KPNA3: variants seen among roughly 807,000 people sequenced by gnomAD.
KPNA3 encodes the protein karyopherin subunit alpha 3, also known as importin subunit alpha-4.
A neutral mutation model predicts 73.8 loss-of-function variants in KPNA3; 13 were observed. That is an observed-to-expected ratio of 0.18 (90% CI 0.11 to 0.28). The LOEUF (loss-of-function observed/expected upper bound fraction) is 0.28. KPNA3 is among the 10% of genes least tolerant of loss of function. KPNA3 has a pLI of 1.00. For missense variants in KPNA3, 360 were observed against 618.1 expected (o/e 0.58, Z 4.43); for synonymous variants, 186 against 206.9 (o/e 0.90, Z 0.87).
intron 14 of KPNA3, 105 bp downstream of exon 14, chr13:49,705,990 TATC>T (rs1357326140): frequency 1.8e-6 from 2 of 1,128,444 alleles, no homozygotes; most frequent in African/African-American, 1.6e-5. Context: ...TAATAATAAT[TATC>T]TTTTCCCCAA....
At chr13:49,764,636 C>T (rs570981816) in intron 1 of KPNA3, among the ~76,000 whole-genome samples, 1 of 152,234 alleles carries the variant, frequency 6.6e-6, no homozygotes, top group East Asian at 1.9e-4. Flanking sequence ...TAGCTGTGCA[C>T]TGAATCTAAT....
intron 14 of KPNA3, 62 bp downstream of exon 14, chr13:49,706,036 A>AT: frequency 7.0e-7 from 1 of 1,428,158 alleles, no homozygotes; most frequent in Non-Finnish European, 9.7e-7. Flanking sequence ...ACTACGAAAC[A>AT]TAAGAGAGCA....
chr13:49,791,884 T>G (rs1009458504), intron 1 of KPNA3, among the ~76,000 whole-genome samples: 7 of 151,992 alleles, frequency 4.6e-5, no homozygotes, highest in Non-Finnish European at 8.8e-5. Context: ...TCGATCACCC[T>G]CAAACAAGTC....
rs1002473979 is a variant in KPNA3 at position 49,700,659 on chromosome 13, C to T, written c.*1141G>A. 2.6e-5 allele frequency: 4 copies of T among 152,634 alleles called. No homozygotes were observed. The highest frequency in any genetic ancestry group is 9.6e-5 in the African/African-American group (4 of 41,460). 9.5% of individuals were successfully genotyped at this position (152,634 alleles called of 1,614,324 possible). A position where few individuals can be genotyped will look rare whatever the true frequency, so the allele number is the denominator to read the frequency against. On this transcript the variant is annotated 3_prime_UTR_variant, in exon 17 of 17. Transcript: ENST00000261667. ...TTTCCCAATACTCAAAGAATGAACT[C>T]TTATGACACTTCTAAATAGTTGCTG... is the stretch of plus-strand genomic sequence containing the variant.
At chr13:49,708,690 C>T (rs184150133) in intron 12 of KPNA3, among the ~76,000 whole-genome samples, 1 of 152,240 alleles carries the variant, frequency 6.6e-6, no homozygotes, top group African/African-American at 2.4e-5. Context: ...AATATTTATT[C>T]AGCCATAGAA....
Position 49,751,150 on chromosome 13 carries a change from C to T in KPNA3, c.70-4157G>A, listed in dbSNP as rs890421867. On this transcript the variant is annotated intron_variant, in intron 1 of 16. Transcript: ENST00000261667. ...AGAGAGATGGTTTAAAGGCTTCAAA[C>T]TCAGTATGCTTAAAACTAATATACT... Among the ~76,000 whole-genome samples the T allele has an allele frequency of 2.0e-5, 3 of 152,180 alleles. No homozygotes were observed. In the South Asian group the frequency reaches 6.2e-4, roughly 31 times the overall value.
At chr13:49,702,239 TAAGAGA>T in intron 16 of KPNA3, 141 bp downstream of exon 16, 2 of 582,520 alleles carry the variant, frequency 3.4e-6, no homozygotes, top group Non-Finnish European at 6.0e-6. Flanking sequence ...TCAAAGTATT[TAAGAGA>T]AAGTGACTGA....
At chr13:49,761,519 A>T (rs911261119) in intron 1 of KPNA3, among the ~76,000 whole-genome samples, 1 of 152,264 alleles carries the variant, frequency 6.6e-6, no homozygotes, top group Non-Finnish European at 1.5e-5. Context: ...AGGATTGCAG[A>T]CGGAGTCTCG....
At chr13:49,746,090 G>A (rs909598775) in intron 2 of KPNA3, among the ~76,000 whole-genome samples, 8 of 147,610 alleles carry the variant, frequency 5.4e-5, no homozygotes, top group Admixed American at 3.4e-4. Context: ...AAAAAGAAAC[G>A]TGTAAAGAAA....
At chr13:49,734,147 T>G (rs1954497822) in intron 2 of KPNA3, among the ~76,000 whole-genome samples, 1 of 152,238 alleles carries the variant, frequency 6.6e-6, no homozygotes, top group Non-Finnish European at 1.5e-5. Flanking sequence ...TCTCTCTACT[T>G]GCTATAAATT....
chr13:49,775,192 A>G (rs1448125787), intron 1 of KPNA3, among the ~76,000 whole-genome samples: 1 of 150,680 alleles, frequency 6.6e-6, no homozygotes, highest in Non-Finnish European at 1.5e-5. Context: ...AAAAAGAAAA[A>G]AGAAAAAAGA....
chr13:49,774,211 C>T (rs1006812843), intron 1 of KPNA3, among the ~76,000 whole-genome samples: 1 of 151,948 alleles, frequency 6.6e-6, no homozygotes, highest in African/African-American at 2.4e-5. Context: ...GGTCTTAGTT[C>T]TTTTTCTTGA....
chr13:49,754,576 T>C (rs1223922626), intron 1 of KPNA3, among the ~76,000 whole-genome samples: 1 of 133,918 alleles, frequency 7.5e-6, no homozygotes, highest in Non-Finnish European at 1.6e-5. Context: ...ATCAATGAAA[T>C]TGAAAACAAA....
rs148357512 is a variant in KPNA3 at position 49,713,926 on chromosome 13, A to C, written c.772-2904T>G. On this transcript the variant is annotated intron_variant, in intron 10 of 16. Transcript: ENST00000261667. ...ACCATGTTGGCCAGGCTGGTCTCAAACTCCTGACCTCAGGTGATCCACCCG... is the reference window on the plus strand; with the variant it reads ...ACCATGTTGGCCAGGCTGGTCTCAACCTCCTGACCTCAGGTGATCCACCCG... Among the ~76,000 whole-genome samples the C allele has an allele frequency of 8.9e-3, 1,343 of 151,736 alleles. 19 individuals are homozygous for C. Among genetic ancestry groups the C allele is most frequent in the African/African-American group, 0.031 (1,290 of 41,358 alleles).
chr13:49,746,922 T>G lies in KPNA3; in HGVS notation c.114+27A>C, dbSNP rs767181916. On this transcript the variant is annotated intron_variant, in intron 2 of 16. Transcript: ENST00000261667. ...TTTAACATCAGAAAAATCTAATTAC[T>G]TTTCTTTAAATGTAAATCAACCTTA... 5.1e-6 allele frequency: 8 copies of G among 1,558,242 alleles called. No individual in the cohort carries two copies. The South Asian group carries it at 9.0e-5, about 17-fold the overall frequency.
chr13:49,777,547 T>G (rs1041347867), intron 1 of KPNA3, among the ~76,000 whole-genome samples: 1 of 152,142 alleles, frequency 6.6e-6, no homozygotes, highest in Non-Finnish European at 1.5e-5. Flanking sequence ...CTCTGTCACG[T>G]GGGCTGGAGT....
intron 10 of KPNA3, among the ~76,000 whole-genome samples, chr13:49,717,381 G>C (rs750758526): frequency 6.3e-5 from 9 of 142,812 alleles, no homozygotes; most frequent in Non-Finnish European, 1.4e-4. Context: ...AGTGAGCCTA[G>C]ATCGCGCCAC....
chr13:49,705,372 A>G (rs2137530991), intron 15 of KPNA3, among the ~76,000 whole-genome samples: 1 of 152,220 alleles, frequency 6.6e-6, no homozygotes, highest in East Asian at 1.9e-4. Flanking sequence ...AAAAAAAAAA[A>G]AAAGCTATGT....
chr13:49,733,153 A>G, intron 2 of KPNA3, 107 bp from the exon 3 acceptor site: 3 of 731,830 alleles, frequency 4.1e-6, no homozygotes. Flanking sequence ...CAAATACTGA[A>G]CACATAAGGA....
Sources: allele counts gnomAD v4.1 joint callset (sites outside exome capture counted in the v4.1 genomes callset), GRCh38; gene constraint gnomAD v4.1.1; transcripts MANE v1.5; gene names NCBI Gene and HGNC (gene_info 2026-07-23, HGNC 2026-07-21).